FOXN3: variants seen among roughly 807,000 people sequenced by gnomAD.
FOXN3 encodes the protein forkhead box N3, also known as forkhead box protein N3.
In FOXN3, 7 loss-of-function variants were observed where a neutral mutation model predicts 38.4. The ratio of observed to expected loss-of-function variants is 0.18; its 90% CI spans 0.10 to 0.34. The LOEUF (loss-of-function observed/expected upper bound fraction) is 0.34. FOXN3 is among the 10% of genes least tolerant of loss of function. The probability of loss-of-function intolerance (pLI) is 1.00; values close to 1 mark genes in which losing one functional copy is unlikely to be tolerated. For missense variants in FOXN3, 456 were observed against 613.4 expected (o/e 0.74, Z 2.71); for synonymous variants, 230 against 242.2 (o/e 0.95, Z 0.47).
intron 4 of FOXN3, among the ~76,000 whole-genome samples, chr14:89,268,424 G>A (rs138807715): frequency 3.9e-5 from 6 of 152,278 alleles, no homozygotes; most frequent in Middle Eastern, 3.4e-3. Flanking sequence ...AATCACCAGT[G>A]CTGTATACTT....
At chr14:89,568,533 G>GA (rs1448335839) in intron 1 of FOXN3, among the ~76,000 whole-genome samples, 1 of 152,184 alleles carries the variant, frequency 6.6e-6, no homozygotes, top group Non-Finnish European at 1.5e-5. Context: ...TGTGCACAGT[G>GA]AACTCCTTCG....
rs1887040525 is a variant in FOXN3 at position 89,159,036 on chromosome 14, G to A, written c.*3378C>T. On this transcript the variant is annotated 3_prime_UTR_variant, in exon 6 of 6. Coordinates refer to ENST00000557258, the MANE Select transcript of FOXN3 (RefSeq NM_005197.4). ...TTTGGAAGCTAAAAGAACACCTGAC[G>A]TTTGGGAAGGAATTCCAAGACTAAA... 1 of 152,608 alleles carries A rather than the reference G, an allele frequency of 6.6e-6. No individual in the cohort carries two copies. The allele number at this position is 152,608 out of a possible 1,614,324, so 9.5% of individuals were successfully genotyped here.
intron 3 of FOXN3, among the ~76,000 whole-genome samples, chr14:89,329,755 A>C (rs1374226582): frequency 6.8e-6 from 1 of 146,658 alleles, no homozygotes; most frequent in Non-Finnish European, 1.5e-5. Context: ...ACTAGGGAGG[A>C]TGAGGCAGGA....
chr14:89,493,660 A>C (rs956312951), intron 1 of FOXN3, among the ~76,000 whole-genome samples: 4 of 152,150 alleles, frequency 2.6e-5, no homozygotes, highest in Non-Finnish European at 4.4e-5. Flanking sequence ...ATTTCCCCTT[A>C]ACCGCACACC....
At chr14:89,202,604 C>T (rs1019345992) in intron 4 of FOXN3, among the ~76,000 whole-genome samples, 6 of 152,160 alleles carry the variant, frequency 3.9e-5, no homozygotes, top group Non-Finnish European at 7.3e-5. Flanking sequence ...GAGGATCCCT[C>T]GTGAATGGCT....
In FOXN3 at chr14:89,162,562, G is replaced by C; in HGVS notation, c.1259C>G (p.Thr420Ser). 1 of 1,613,778 alleles carries C rather than the reference G, an allele frequency of 6.2e-7. No homozygotes were observed. Among genetic ancestry groups the C allele is most frequent in the Non-Finnish European group, 8.5e-7 (1 of 1,179,938 alleles). Reference protein sequence around the residue: ...SDTLPLKKRRTEKPPESDDEE... With the variant: ...SDTLPLKKRRSEKPPESDDEE... ...ATCATCGCTCTCGGGGGGCTTTTCG[G>C]TGCGTCTCTTTTTGAGGGGCAGTGT... Residue 420 changes from threonine to serine, a missense_variant, in exon 6 of 6, where the codon ACC becomes AGC. This residue lies in a region of FOXN3 where 386 missense variants were observed against 505.2 expected (regional missense o/e 0.76). Transcript: ENST00000557258. The surrounding 1 kb of genome is among the most constrained non-coding windows in gnomAD (Gnocchi z 7.2).
intron 4 of FOXN3, among the ~76,000 whole-genome samples, chr14:89,253,138 C>T (rs1885511357): frequency 6.6e-6 from 1 of 152,178 alleles, no homozygotes; most frequent in Non-Finnish European, 1.5e-5. Flanking sequence ...CCCTCCTGCC[C>T]CAGGTTGTCA....
intron 1 of FOXN3, among the ~76,000 whole-genome samples, chr14:89,475,327 T>C (rs1893189435): frequency 6.6e-6 from 1 of 152,172 alleles, no homozygotes; most frequent in African/African-American, 2.4e-5. Flanking sequence ...GTGGTAATAA[T>C]AGGCCATCTC....
chr14:89,225,641 A>G (rs1884613276), intron 4 of FOXN3, among the ~76,000 whole-genome samples: 1 of 152,180 alleles, frequency 6.6e-6, no homozygotes, highest in Non-Finnish European at 1.5e-5. Context: ...ATGAAATAAT[A>G]TTTGAACTAG....
In FOXN3 at chr14:89,520,097, T is replaced by C. The variant is rs115292743; in HGVS notation, c.-15+98931A>G. ...GGCACGAGCGCGGATCACTGCAGCCTCCACCTCCTAGGCTCAAGCGATCCT... is the reference window on the plus strand; with the variant it reads ...GGCACGAGCGCGGATCACTGCAGCCCCCACCTCCTAGGCTCAAGCGATCCT... On this transcript the variant is annotated intron_variant, in intron 1 of 6. Coordinates refer to the FOXN3 transcript ENST00000345097. Among the ~76,000 whole-genome samples the C allele has an allele frequency of 9.1e-3, 1,340 of 146,888 alleles. 24 individuals are homozygous for C. The highest frequency in any genetic ancestry group is 0.032 in the African/African-American group (1,253 of 39,422).
intron 1 of FOXN3, among the ~76,000 whole-genome samples, chr14:89,427,761 C>G (rs772431307): frequency 6.6e-6 from 1 of 151,988 alleles, no homozygotes; most frequent in African/African-American, 2.4e-5. Flanking sequence ...AGTGTAAGTG[C>G]CTTGAGGGGC....
chr14:89,614,853 C>T (rs1020347776), intron 1 of FOXN3, among the ~76,000 whole-genome samples: 2 of 152,136 alleles, frequency 1.3e-5, no homozygotes, highest in African/African-American at 2.4e-5. Context: ...GAAATGGTTC[C>T]GTCTCCCTCA....
intron 4 of FOXN3, among the ~76,000 whole-genome samples, chr14:89,218,502 T>C (rs1473527206): frequency 6.6e-6 from 1 of 152,244 alleles, no homozygotes; most frequent in Non-Finnish European, 1.5e-5. Context: ...AGTATTAAGT[T>C]TGTGTGTGTT....
At chr14:89,371,088 T>G (rs1041688684) in intron 2 of FOXN3, among the ~76,000 whole-genome samples, 4 of 152,194 alleles carry the variant, frequency 2.6e-5, no homozygotes, top group African/African-American at 9.7e-5. Context: ...GTTTTGATTT[T>G]ATTTTTTTTA....
intron 1 of FOXN3, among the ~76,000 whole-genome samples, chr14:89,433,664 C>T (rs749401453): frequency 2.6e-5 from 4 of 151,616 alleles, no homozygotes; most frequent in Non-Finnish European, 4.4e-5. Flanking sequence ...ATTAGCCAGG[C>T]GTGGTGGCAG....
intron 3 of FOXN3, among the ~76,000 whole-genome samples, chr14:89,336,291 C>A (rs1253210441): frequency 7.0e-6 from 1 of 142,108 alleles, no homozygotes; most frequent in Non-Finnish European, 1.6e-5. Context: ...CTCCCCACGC[C>A]TCCCCCATCA....
chr14:89,524,378 AAAAAAAAAAAAAAAAAAAAAAAAAAG>A (rs1452072047), intron 1 of FOXN3, among the ~76,000 whole-genome samples: 5 of 107,026 alleles, frequency 4.7e-5, no homozygotes, highest in African/African-American at 2.1e-4. Context: ...TCTCAAAAAA[AAAAAAAAAAAAAAAAAAAAAAAAAAG>A]AAAGAAAGAA....
At chr14:89,212,733 T>C (rs1305780504) in intron 4 of FOXN3, among the ~76,000 whole-genome samples, 3 of 152,156 alleles carry the variant, frequency 2.0e-5, no homozygotes, top group Non-Finnish European at 4.4e-5. Context: ...CCTCAACCCC[T>C]TAAACTACTT....
intron 1 of FOXN3, among the ~76,000 whole-genome samples, chr14:89,614,758 A>G (rs1282447888): frequency 6.6e-6 from 1 of 152,212 alleles, no homozygotes; most frequent in Non-Finnish European, 1.5e-5. Flanking sequence ...TTTGACTCAT[A>G]TATTAGGGTC....
Sources: gnomAD v4.1 joint callset for allele counts (sites outside exome capture counted in the v4.1 genomes callset) on GRCh38, gnomAD v4.1.1 for gene constraint, gnomAD v4.1.1 regional missense constraint, Gnocchi (gnomAD v3.1) non-coding constraint, MANE v1.5 for transcripts, NCBI Gene and HGNC (gene_info 2026-07-23, HGNC 2026-07-21) for gene names.